The following TCTN2 variants were observed in gnomAD, a reference collection of about 807,000 sequenced individuals.
TCTN2 encodes the protein tectonic family member 2, also known as tectonic-2.
Under a neutral mutation model 83.4 loss-of-function variants are expected in TCTN2, and 66 were observed. That is an observed-to-expected ratio of 0.79 (90% CI 0.65 to 0.97). TCTN2 has a LOEUF of 0.97. TCTN2 is among the 50% of genes least tolerant of loss of function. The probability of loss-of-function intolerance (pLI) is 0.00; values close to 1 mark genes in which losing one functional copy is unlikely to be tolerated. For missense variants in TCTN2, 794 were observed against 858.1 expected (o/e 0.93, Z 0.93); for synonymous variants, 301 against 326.7 (o/e 0.92, Z 0.85).
In TCTN2 at chr12:123,671,188, T is replaced by G; in HGVS notation, c.-53T>G. On this transcript the variant is annotated 5_prime_UTR_variant, in exon 1 of 18. Coordinates refer to ENST00000303372, the MANE Select transcript of TCTN2 (RefSeq NM_024809.5). ...TGCGTTTTCGTGTCTGAGTCCTTCC[T>G]GGGTTCTAATGAGGGCGCGGTTCTG... is the stretch of plus-strand genomic sequence containing the variant. 1 of 1,548,696 alleles carries G rather than the reference T, an allele frequency of 6.5e-7. No individual in the cohort carries two copies. Among genetic ancestry groups the G allele is most frequent in the South Asian group, 1.1e-5 (1 of 87,060 alleles).
rs7304837 is a variant in TCTN2, at chr12:123,692,991, C to T, written c.1099+268C>T. ...CTAGTTCCAGCTTCCGTGAACCTTTCCTTAAATGTTTGATAGTTAAATAAT... is the reference window on the plus strand; with the variant it reads ...CTAGTTCCAGCTTCCGTGAACCTTTTCTTAAATGTTTGATAGTTAAATAAT... On this transcript the variant is annotated intron_variant, in intron 9 of 17. Transcript: ENST00000303372. Among the ~76,000 whole-genome samples the T allele has an allele frequency of 0.36, 53,074 of 147,560 alleles. 10,015 individuals are homozygous for T. Among genetic ancestry groups the T allele is most frequent in the African/African-American group, 0.41 (16,403 of 39,784 alleles).
chr12:123,697,005 T>C, intron 12 of TCTN2, 82 bp from the exon 13 acceptor site: 1 of 1,120,562 alleles, frequency 8.9e-7, no homozygotes, highest in Non-Finnish European at 1.4e-6. Context: ...CTTACTGTTT[T>C]CTGTTTTTCA....
chr12:123,685,890 A>ATT (rs60954712), intron 5 of TCTN2, among the ~76,000 whole-genome samples: 2 of 139,208 alleles, frequency 1.4e-5, no homozygotes, highest in African/African-American at 2.6e-5. Flanking sequence ...TGCCTGGCTA[A>ATT]TTTTTTTTTT....
At chr12:123,704,989 A>T (rs1315345466) in intron 15 of TCTN2, among the ~76,000 whole-genome samples, 1 of 152,012 alleles carries the variant, frequency 6.6e-6, no homozygotes, top group East Asian at 1.9e-4. Flanking sequence ...GTAACTGATA[A>T]TCTGATCAGA....
chr12:123,701,188 A>C (rs1444854783), intron 14 of TCTN2, among the ~76,000 whole-genome samples: 1 of 152,240 alleles, frequency 6.6e-6, no homozygotes, highest in Non-Finnish European at 1.5e-5. Flanking sequence ...ATTTATATGC[A>C]ATGTCCAGAA....
At chr12:123,702,536 C>CT (rs1435577893) in intron 14 of TCTN2, among the ~76,000 whole-genome samples, 1 of 152,082 alleles carries the variant, frequency 6.6e-6, no homozygotes, top group African/African-American at 2.4e-5. Flanking sequence ...CTGTTGGACT[C>CT]CACCCCCACG....
At chr12:123,675,415 T>C (rs887530429) in intron 4 of TCTN2, among the ~76,000 whole-genome samples, 1 of 152,144 alleles carries the variant, frequency 6.6e-6, no homozygotes, top group African/African-American at 2.4e-5. Context: ...CCACGTGGCA[T>C]GGAGGGAGAA....
rs1566257274 is a variant in TCTN2 at position 123,694,905 on chromosome 12, A to G, written c.1163A>G (p.Lys388Arg). The stretch of plus-strand genomic sequence containing the variant: ...AATGTGGAAGAACATTATATTTTCA[A>G]ATGGAATAATAATACCATCAGTGAA... Reference protein sequence around the residue: ...IVNVEEHYIFKWNNNTISEIN... With the variant: ...IVNVEEHYIFRWNNNTISEIN... Residue 388 changes from lysine to arginine, a missense_variant, in exon 10 of 18, where the codon AAA becomes AGA. Transcript: ENST00000303372. 3 of 1,612,974 alleles carry G rather than the reference A, an allele frequency of 1.9e-6. No individual in the cohort carries two copies. The highest frequency in any genetic ancestry group is 2.5e-6 in the Non-Finnish European group (3 of 1,178,960).
rs1483880273 is a variant in TCTN2, at chr12:123,680,127, C to T, written c.564+838C>T. 6.6e-5 allele frequency among the ~76,000 whole-genome samples: 10 copies of T among 151,800 alleles called. No individual in the cohort carries two copies. In the South Asian group the frequency reaches 8.3e-4, roughly 13 times the overall value. The stretch of plus-strand genomic sequence containing the variant: ...CAGCACTTTGGGTGGCCAAGGTGGG[C>T]GGATCACCTGAGGTCCGGAGTTTGA... On this transcript the variant is annotated intron_variant, in intron 5 of 17. Coordinates refer to ENST00000303372, the MANE Select transcript of TCTN2 (RefSeq NM_024809.5).
intron 13 of TCTN2, among the ~76,000 whole-genome samples, chr12:123,699,060 T>G (rs1342072155): frequency 6.6e-6 from 1 of 152,180 alleles, no homozygotes; most frequent in Non-Finnish European, 1.5e-5. Flanking sequence ...CACGAATGTA[T>G]CCTGCTAACT....
At chr12:123,673,530 T>G (rs757732471) in intron 3 of TCTN2, 85 bp from the exon 4 acceptor site, 155 of 1,323,338 alleles carry the variant, frequency 1.2e-4, no homozygotes, top group Non-Finnish European at 1.6e-4. Flanking sequence ...GAGGCTGATG[T>G]GTACTTTTAT....
chr12:123,686,799 C>G, intron 5 of TCTN2, 37 bp from the exon 6 acceptor site: 1 of 1,607,708 alleles, frequency 6.2e-7, no homozygotes, highest in Non-Finnish European at 8.5e-7. Context: ...AGATCCTGAC[C>G]ACGGTCACAG....
rs115458000 is a variant in TCTN2 at position 123,677,198 on chromosome 12, G to A, written c.464-1991G>A. Among the ~76,000 whole-genome samples the A allele has an allele frequency of 3.2e-3, 482 of 152,194 alleles. 4 individuals carry two copies. Among genetic ancestry groups the A allele is most frequent in the African/African-American group, 0.011 (457 of 41,522 alleles). On this transcript the variant is annotated intron_variant, in intron 4 of 17. Coordinates refer to ENST00000303372, the MANE Select transcript of TCTN2 (RefSeq NM_024809.5). ...CCTGTCTCAAAAAAAAATCAATAAA[G>A]TGCCTTGCTTGTGTCACATGGGTTT...
chr12:123,690,686 T>G lies in TCTN2; in HGVS notation c.1033+12T>G. ...TGTTGCCTTAGGAGGTATGTTACAT[T>G]TCTTTGAAAAAAGAACACAGGCCCA... On this transcript the variant is annotated intron_variant, in intron 8 of 17. Transcript: ENST00000303372. 1 of 1,613,978 alleles carries G rather than the reference T, an allele frequency of 6.2e-7. No homozygotes were observed. The highest frequency in any genetic ancestry group is 8.5e-7 in the Non-Finnish European group (1 of 1,179,982).
At chr12:123,686,741 T>C (rs1247415633) in intron 5 of TCTN2, 95 bp from the exon 6 acceptor site, 5 of 1,185,454 alleles carry the variant, frequency 4.2e-6, no homozygotes, top group Non-Finnish European at 6.3e-6. Context: ...TACTTGGTAG[T>C]GTCCTGCTGG....
intron 14 of TCTN2, 49 bp from the exon 15 acceptor site, chr12:123,704,483 A>T: frequency 6.4e-7 from 1 of 1,555,176 alleles, no homozygotes; most frequent in East Asian, 2.4e-5. Context: ...ATTGTAGGAA[A>T]ACTTATCAAA....
chr12:123,700,433 T>G lies in TCTN2; in HGVS notation c.1612+623T>G, dbSNP rs1016667085. ...TGCTTGAGGCCAGTTTTTTTGTTTGTTTGGTTGGTTTTTTTTGAGACGGAG... is the reference window on the plus strand; with the variant it reads ...TGCTTGAGGCCAGTTTTTTTGTTTGGTTGGTTGGTTTTTTTTGAGACGGAG... On this transcript the variant is annotated intron_variant, in intron 14 of 17. Transcript: ENST00000303372. 2.0e-5 allele frequency among the ~76,000 whole-genome samples: 3 copies of G among 152,064 alleles called. No individual in the cohort carries two copies. In the South Asian group the frequency reaches 6.2e-4, roughly 31 times the overall value.
intron 3 of TCTN2, 98 bp downstream of exon 3, chr12:123,672,230 A>C: frequency 9.3e-7 from 1 of 1,076,884 alleles, no homozygotes; most frequent in South Asian, 1.3e-5. Context: ...GGCTTTCTCC[A>C]TGCTCTCAAC....
intron 2 of TCTN2, 96 bp from the exon 3 acceptor site, chr12:123,671,960 A>G: frequency 9.9e-7 from 1 of 1,008,338 alleles, no homozygotes; most frequent in Non-Finnish European, 1.6e-6. Context: ...GCCCAATCTT[A>G]GGCTGTAATG....
Sources: allele counts gnomAD v4.1 joint callset (sites outside exome capture counted in the v4.1 genomes callset), GRCh38; gene constraint gnomAD v4.1.1; transcripts MANE v1.5; gene names NCBI Gene and HGNC (gene_info 2026-07-23, HGNC 2026-07-21).